The following EVC2 variants were observed in gnomAD, a reference collection of about 807,000 sequenced individuals.
EVC2 encodes the protein EvC ciliary complex subunit 2, also known as limbin.
A neutral mutation model predicts 149.3 loss-of-function variants in EVC2; 148 were observed. The ratio of observed to expected loss-of-function variants is 0.99; its 90% CI spans 0.87 to 1.14. EVC2 has a LOEUF of 1.14. Ranked by LOEUF, EVC2 falls within the 50% of genes most tolerant of loss-of-function variation. EVC2 has a pLI of 0.00. For synonymous variants in EVC2, 776 were observed against 649.9 expected (o/e 1.19, Z -2.95); for missense variants, 1,854 against 1,627.3 (o/e 1.14, Z -2.40).
chr4:5,611,890 G>T (rs1714850218), intron 16 of EVC2, among the ~76,000 whole-genome samples: 1 of 152,136 alleles, frequency 6.6e-6, no homozygotes, highest in African/African-American at 2.4e-5. Flanking sequence ...TTGTTTCTCT[G>T]ATTACAGATT....
chr4:5,607,396 T>G (rs931257084), intron 16 of EVC2, among the ~76,000 whole-genome samples: 1 of 152,228 alleles, frequency 6.6e-6, no homozygotes, highest in African/African-American at 2.4e-5. Flanking sequence ...ATTCAGAAAC[T>G]TGATTAACTT....
chr4:5,544,182 A>AC (rs1314818999), intron 21 of EVC2, among the ~76,000 whole-genome samples: 1 of 152,084 alleles, frequency 6.6e-6, no homozygotes, highest in African/African-American at 2.4e-5. Context: ...GACAGGGCTT[A>AC]CCTGGCCACA....
intron 16 of EVC2, among the ~76,000 whole-genome samples, chr4:5,593,349 T>C (rs1222482115): frequency 6.6e-6 from 1 of 152,206 alleles, no homozygotes; most frequent in Admixed American, 6.5e-5. Flanking sequence ...CTTCCTGCTC[T>C]AAAGCTTTTC....
intron 11 of EVC2, among the ~76,000 whole-genome samples, chr4:5,629,107 A>T (rs956193858): frequency 7.2e-5 from 11 of 152,196 alleles, no homozygotes; most frequent in African/African-American, 2.7e-4. Flanking sequence ...TTCTGGGAGA[A>T]GTCAGCCATC....
chr4:5,582,519 A>G (rs1711889672), intron 17 of EVC2, among the ~76,000 whole-genome samples: 1 of 152,192 alleles, frequency 6.6e-6, no homozygotes, highest in South Asian at 2.1e-4. Context: ...GCATCACTGG[A>G]AGTAACTAAC....
At chr4:5,556,187 AAAAAAAAAAAAAAAAAAAAAGACAAACTT>A (rs1018844576) in intron 21 of EVC2, among the ~76,000 whole-genome samples, 2 of 145,516 alleles carry the variant, frequency 1.4e-5, no homozygotes, top group African/African-American at 2.5e-5. Flanking sequence ...CTCAAAAAAA[AAAAAAAAAAAAAAAAAAAAAGACAAACTT>A]AAAATAATAG....
chr4:5,604,987 AT>A (rs1344070271), intron 16 of EVC2, among the ~76,000 whole-genome samples: 1 of 151,152 alleles, frequency 6.6e-6, no homozygotes, highest in Non-Finnish European at 1.5e-5. Flanking sequence ...TGTGAAGATG[AT>A]GAGGATGAAG....
At chr4:5,665,688 A>G (rs1373278526) in intron 7 of EVC2, 39 bp from the exon 8 acceptor site, 1 of 1,610,474 alleles carries the variant, frequency 6.2e-7, no homozygotes, top group Non-Finnish European at 8.5e-7. Context: ...ATGTGTGGTC[A>G]GACAGCATGT....
downstream of EVC2, among the ~76,000 whole-genome samples, chr4:5,560,423 G>A (rs1721915651): frequency 6.6e-6 from 1 of 152,182 alleles, no homozygotes; most frequent in African/African-American, 2.4e-5. The surrounding 1 kb of genome is among the most constrained non-coding windows in gnomAD (Gnocchi z 4.1). Context: ...CGAAGCGGAA[G>A]AACAGCACCT....
chr4:5,633,739 G>A lies in EVC2; in HGVS notation c.1471-1707C>T, dbSNP rs1362875933. Among the ~76,000 whole-genome samples the A allele has an allele frequency of 1.3e-5, 2 of 152,238 alleles. No individual in the cohort carries two copies. The highest frequency in any genetic ancestry group is 2.9e-5 in the Non-Finnish European group (2 of 68,048). The stretch of plus-strand genomic sequence containing the variant: ...GGCAGAAGGGGCTCCGGTGCACAGG[G>A]CAAAGGCCAGAGCTCCTTCAGGCTA... On this transcript the variant is annotated intron_variant, in intron 10 of 21. Transcript: ENST00000344408. The surrounding 1 kb of genome is among the most constrained non-coding windows in gnomAD (Gnocchi z 4.4).
rs1022148036 is a variant in EVC2 at position 5,543,153 on chromosome 4, A to G, written c.3479T>C (p.Ile1160Thr). The G allele has an allele frequency of 9.3e-6, 12 of 1,289,674 alleles. No homozygotes were observed. The Admixed American group carries it at 1.6e-4, about 17-fold the overall frequency. The allele number at this position is 1,289,674 out of a possible 1,614,324, so 79.9% of individuals were successfully genotyped here. A position where few individuals can be genotyped will look rare whatever the true frequency, so the allele number is the denominator to read the frequency against. The change falls in exon 22 of 23, where the codon ATT becomes ACT. Residue 1160 changes from isoleucine to threonine, a missense_variant and NMD_transcript_variant. Coordinates refer to the EVC2 transcript ENST00000475313. The stretch of plus-strand genomic sequence containing the variant: ...TTCTCATTTTTCAGACATCCACTCA[A>G]TTAACCCAATCTCTGGAGTCCCTAC...
At chr4:5,581,882 C>T (rs1711832442) in intron 17 of EVC2, among the ~76,000 whole-genome samples, 1 of 152,230 alleles carries the variant, frequency 6.6e-6, no homozygotes, top group African/African-American at 2.4e-5. Context: ...CAAAGGACCC[C>T]AGGTGCAGCT....
intron 16 of EVC2, among the ~76,000 whole-genome samples, chr4:5,605,685 G>A (rs777983520): frequency 6.6e-6 from 1 of 152,226 alleles, no homozygotes; most frequent in Non-Finnish European, 1.5e-5. Context: ...AGAAGGGCTT[G>A]GCCAGGAGGC....
chr4:5,702,690 C>T (rs1721900202), intron 1 of EVC2, among the ~76,000 whole-genome samples: 3 of 152,208 alleles, frequency 2.0e-5, no homozygotes, highest in Admixed American at 6.5e-5. Context: ...GTTGTAATTG[C>T]CTCTTCTCTC....
intron 1 of EVC2, among the ~76,000 whole-genome samples, chr4:5,698,964 G>A (rs1289065895): frequency 1.3e-5 from 2 of 152,232 alleles, no homozygotes; most frequent in South Asian, 2.1e-4. Flanking sequence ...AGGTGGGACA[G>A]GATCGATGGG....
At chr4:5,649,139 G>GTAGTAAA in intron 9 of EVC2, among the ~76,000 whole-genome samples, 1 of 152,144 alleles carries the variant, frequency 6.6e-6, no homozygotes, top group African/African-American at 2.4e-5. Flanking sequence ...CTGAGTCTGG[G>GTAGTAAA]GCATCTTTAC....
chr4:5,665,776 C>T, intron 7 of EVC2, 127 bp from the exon 8 acceptor site: 3 of 1,431,986 alleles, frequency 2.1e-6, no homozygotes, highest in Non-Finnish European at 2.9e-6. Context: ...TTGAGTCTCG[C>T]TCTGCCAGCT....
chr4:5,640,830 A>G lies in EVC2; in HGVS notation c.1154T>C (p.Ile385Thr), dbSNP rs780517206. The change falls in exon 10 of 22, where the codon ATT becomes ACT. Residue 385 changes from isoleucine to threonine, a missense_variant. Ile to Thr is a moderately conservative substitution (Grantham distance 89). Transcript: ENST00000344408. The surrounding 1 kb of genome is among the most constrained non-coding windows in gnomAD (Gnocchi z 4.6). ...SMLQALEELE[I>T]ATLNRADADL... ...TGCATCTGCCCGATTCAGGGTTGCA[A>G]TCTCCAACCTAGGAAACACAAAAAT... 6.3e-5 allele frequency: 102 copies of G among 1,614,060 alleles called. No individual in the cohort carries two copies. In the South Asian group the frequency reaches 1.1e-3, roughly 17 times the overall value.
intron 18 of EVC2, among the ~76,000 whole-genome samples, chr4:5,575,351 C>T (rs979655611): frequency 3.3e-5 from 5 of 152,234 alleles, no homozygotes; most frequent in Non-Finnish European, 5.9e-5. Context: ...CCTCCAGGAG[C>T]ATATGAATAC....
Sources: gnomAD v4.1 joint callset for allele counts (sites outside exome capture counted in the v4.1 genomes callset) on GRCh38, gnomAD v4.1.1 for gene constraint, Gnocchi (gnomAD v3.1) non-coding constraint, MANE v1.5 for transcripts, NCBI Gene and HGNC (gene_info 2026-07-23, HGNC 2026-07-21) for gene names.